PPP2R2A: variants seen among roughly 807,000 people sequenced by gnomAD.
PPP2R2A encodes protein phosphatase 2 regulatory subunit Balpha.
In PPP2R2A, 9 loss-of-function variants were observed where a neutral mutation model predicts 53.2. That is an observed-to-expected ratio of 0.17 (90% CI 0.10 to 0.30). The LOEUF is 0.30. PPP2R2A is among the 10% of genes least tolerant of loss of function. The pLI, the probability that PPP2R2A is intolerant of heterozygous loss-of-function variation, is 1.00. For synonymous variants in PPP2R2A, 169 were observed against 174.2 expected, an observed-to-expected ratio of 0.97 and a Z score of 0.23; for missense variants, 235 against 534.6, an observed-to-expected ratio of 0.44 and a Z score of 5.53.
chr8:26,358,542 C>G (rs1804910997), intron 4 of PPP2R2A, among the ~76,000 whole-genome samples: 1 of 152,180 alleles, frequency 6.6e-6, no homozygotes, highest in Non-Finnish European at 1.5e-5. Context: ...TACACTTCAT[C>G]ATTGGGAAGG....
rs1803802203 is a variant in PPP2R2A, at chr8:26,338,924, T to C, written c.117T>C (p.Ser39=). The C allele has an allele frequency of 8.1e-6, 13 of 1,604,224 alleles. No individual in the cohort carries two copies. The highest frequency in any genetic ancestry group is 1.1e-5 in the Non-Finnish European group (13 of 1,171,510). The change falls in exon 3 of 10, where the codon TCT becomes TCC. Residue 39 remains serine (S), a synonymous_variant. Transcript: ENST00000380737. The surrounding 1 kb of genome is among the most constrained non-coding windows in gnomAD (Gnocchi z 4.5). ...TTTCTACAGTAGAATTTAATCATTC[T>C]GGAGAATTACTAGCAACAGGAGATA... is the stretch of plus-strand genomic sequence containing the variant. ...DIISTVEFNH[S]GELLATGDKG...
intron 1 of PPP2R2A, chr8:26,293,336 T>C (rs930353285): frequency 9.9e-6 from 14 of 1,410,450 alleles, no homozygotes; most frequent in Admixed American, 8.0e-5. Context: ...TTAAGAAAAC[T>C]CTTTAACTCT....
intron 2 of PPP2R2A, among the ~76,000 whole-genome samples, chr8:26,327,136 A>T (rs1563299866): frequency 6.6e-6 from 1 of 152,178 alleles, no homozygotes; most frequent in Non-Finnish European, 1.5e-5. Flanking sequence ...GTGGGGTCTT[A>T]GCTGACTAGA....
chr8:26,331,102 A>G (rs1803350350), intron 2 of PPP2R2A, among the ~76,000 whole-genome samples: 1 of 152,054 alleles, frequency 6.6e-6, no homozygotes, highest in African/African-American at 2.4e-5. Flanking sequence ...CCGCCTATAG[A>G]TACCTTTTTT....
chr8:26,336,181 T>C (rs1803647230), intron 2 of PPP2R2A, among the ~76,000 whole-genome samples: 1 of 152,068 alleles, frequency 6.6e-6, no homozygotes, highest in Admixed American at 6.5e-5. Flanking sequence ...CCCAGCACTT[T>C]GGGAGGTCAA....
At chr8:26,366,253 G>C in intron 8 of PPP2R2A, 62 bp from the exon 9 acceptor site, 2 of 1,344,034 alleles carry the variant, frequency 1.5e-6, no homozygotes, top group Non-Finnish European at 2.1e-6. Flanking sequence ...TCTTTTTAAA[G>C]ATATGGACTT....
Position 26,321,705 on chromosome 8 carries a change from T to TGAG in PPP2R2A, c.83-17185_83-17184insGAG, listed in dbSNP as rs1802849611. On this transcript the variant is annotated intron_variant, in intron 2 of 9. Coordinates refer to ENST00000380737, the MANE Select transcript of PPP2R2A (RefSeq NM_002717.4). The surrounding 1 kb of genome is among the most constrained non-coding windows in gnomAD (Gnocchi z 4.1). ...ACGAGCTTGGAAGTAGATCTCCTCC[T>TGAG]CCAGTCAGGCTTTCGGATACCTGCA... 6.6e-6 allele frequency among the ~76,000 whole-genome samples: 1 copy of TGAG among 152,182 alleles called. No individual in the cohort carries two copies. The highest frequency in any genetic ancestry group is 1.5e-5 in the Non-Finnish European group (1 of 68,036).
intron 9 of PPP2R2A, among the ~76,000 whole-genome samples, chr8:26,366,637 C>G (rs895912993): frequency 1.3e-4 from 20 of 151,884 alleles, no homozygotes; most frequent in Admixed American, 1.3e-3. Flanking sequence ...AATTTTTTTT[C>G]TTTTATGAAC....
chr8:26,294,429 G>GT (rs1268219552), intron 2 of PPP2R2A, among the ~76,000 whole-genome samples: 1 of 152,182 alleles, frequency 6.6e-6, no homozygotes, highest in Non-Finnish European at 1.5e-5. Flanking sequence ...TGTTTCAGAA[G>GT]TTTAAGTTTT....
intron 8 of PPP2R2A, among the ~76,000 whole-genome samples, chr8:26,364,453 T>G (rs1182448762): frequency 6.6e-6 from 1 of 152,172 alleles, no homozygotes; most frequent in Admixed American, 6.5e-5. Flanking sequence ...GCCACTACTG[T>G]TTATCCGTGT....
chr8:26,366,069 G>T, intron 8 of PPP2R2A: 1 of 392,650 alleles, frequency 2.5e-6, no homozygotes, highest in Non-Finnish European at 4.5e-6. Flanking sequence ...GCTTATAAAG[G>T]CTATGTGTGC....
intron 2 of PPP2R2A, among the ~76,000 whole-genome samples, chr8:26,294,236 A>C (rs1304755653): frequency 6.6e-6 from 1 of 152,212 alleles, no homozygotes. Context: ...TATTCTGTGA[A>C]GAGATGATAG....
chr8:26,306,551 C>T (rs576817553), intron 2 of PPP2R2A, among the ~76,000 whole-genome samples: 1 of 151,028 alleles, frequency 6.6e-6, no homozygotes, highest in Non-Finnish European at 1.5e-5. Context: ...CAGCACTGTA[C>T]TTCTGAGTCA....
Position 26,338,862 on chromosome 8 carries a change from C to T in PPP2R2A, c.83-28C>T. The T allele has an allele frequency of 6.8e-7, 1 of 1,473,442 alleles. No homozygotes were observed. Among genetic ancestry groups the T allele is most frequent in the Non-Finnish European group, 9.4e-7 (1 of 1,065,064 alleles). 91.3% of individuals were successfully genotyped at this position (1,473,442 alleles called of 1,614,324 possible). On this transcript the variant is annotated intron_variant, in intron 2 of 9. Coordinates refer to ENST00000380737, the MANE Select transcript of PPP2R2A (RefSeq NM_002717.4). This position sits in a 1 kb window ranked among gnomAD's most constrained non-coding sequence, Gnocchi z 4.5. ...TGAGTCGGGAAAGAAAAACTAATAT[C>T]TTTTTTTGTTTTGTCTCAATTATAC...
intron 2 of PPP2R2A, among the ~76,000 whole-genome samples, chr8:26,328,771 C>T (rs1449619757): frequency 6.6e-6 from 1 of 152,126 alleles, no homozygotes; most frequent in Non-Finnish European, 1.5e-5. Context: ...ATAGTGGTTT[C>T]CTCAGAAGTG....
chr8:26,370,387 T>C lies in PPP2R2A; in HGVS notation c.1318T>C (p.Tyr440His). Residue 440 changes from tyrosine (Y) to histidine (H), a missense_variant, in exon 10 of 10, where the codon TAT (tyrosine) becomes CAT (histidine). Around this residue, in one of 3 missense-constraint regions of PPP2R2A, gnomAD observed 181 missense variants for 409.9 expected, o/e 0.44. Coordinates refer to ENST00000380737, the MANE Select transcript of PPP2R2A (RefSeq NM_002717.4). This position sits in a 1 kb window ranked among gnomAD's most constrained non-coding sequence, Gnocchi z 6.1. ...TGCCGTAGCTACTACAAACAATCTGTATATATTTCAAGACAAAGTGAATTA... is the reference window on the plus strand; with the variant it reads ...TGCCGTAGCTACTACAAACAATCTGCATATATTTCAAGACAAAGTGAATTA... ...IIAVATTNNL[Y>H]IFQDKVN The C allele has an allele frequency of 6.2e-7, 1 of 1,614,154 alleles. No individual in the cohort carries two copies. The highest frequency in any genetic ancestry group is 8.5e-7 in the Non-Finnish European group (1 of 1,180,022).
At chr8:26,364,319 G>A (rs1424559621) in intron 8 of PPP2R2A, among the ~76,000 whole-genome samples, 1 of 152,232 alleles carries the variant, frequency 6.6e-6, no homozygotes, top group Non-Finnish European at 1.5e-5. Context: ...ATGGACTGGT[G>A]TTCTGCCTTT....
At chr8:26,347,760 A>G (rs573475614) in intron 3 of PPP2R2A, among the ~76,000 whole-genome samples, 1 of 152,288 alleles carries the variant, frequency 6.6e-6, no homozygotes, top group African/African-American at 2.4e-5. Context: ...TACGCTTCCA[A>G]ATTGCACTTA....
At chr8:26,315,073 T>C (rs1475643114) in intron 2 of PPP2R2A, among the ~76,000 whole-genome samples, 1 of 152,174 alleles carries the variant, frequency 6.6e-6, no homozygotes, top group Non-Finnish European at 1.5e-5. Flanking sequence ...TGGAGTATCT[T>C]GTCTTTGAGA....
Sources: allele counts gnomAD v4.1 joint callset (sites outside exome capture counted in the v4.1 genomes callset), GRCh38; gene constraint gnomAD v4.1.1; regional missense constraint gnomAD v4.1.1; non-coding constraint Gnocchi (gnomAD v3.1); transcripts MANE v1.5; gene names NCBI Gene and HGNC (gene_info 2026-07-23, HGNC 2026-07-21).